The following UBE2E2 variants were observed in gnomAD, a reference collection of about 807,000 sequenced individuals.
UBE2E2 encodes the protein ubiquitin-conjugating enzyme E2 E2.
A neutral mutation model predicts 24.7 loss-of-function variants in UBE2E2; 6 were observed. The observed-to-expected ratio is 0.24, with a 90% confidence interval of 0.13 to 0.48. The LOEUF is 0.48. Among genes scored for constraint, UBE2E2 ranks in the 20% least tolerant of loss-of-function variants. The pLI is 0.99. For synonymous variants in UBE2E2, 104 were observed against 83.6 expected, an observed-to-expected ratio of 1.24 and a Z score of -1.33; for missense variants, 169 against 245.0, an observed-to-expected ratio of 0.69 and a Z score of 2.07.
intron 3 of UBE2E2, among the ~76,000 whole-genome samples, chr3:23,251,856 T>A (rs1052629534): frequency 1.3e-5 from 2 of 152,224 alleles, no homozygotes; most frequent in African/African-American, 4.8e-5. Context: ...GCTATACCCA[T>A]ACATTTATAG....
intron 3 of UBE2E2, among the ~76,000 whole-genome samples, chr3:23,339,914 T>C (rs1695334321): frequency 6.6e-6 from 1 of 152,130 alleles, no homozygotes; most frequent in South Asian, 2.1e-4. Context: ...TTTTTAATTG[T>C]CAGGAATAAC....
intron 3 of UBE2E2, among the ~76,000 whole-genome samples, chr3:23,349,761 C>T (rs370088533): frequency 6.6e-6 from 1 of 152,220 alleles, no homozygotes; most frequent in Non-Finnish European, 1.5e-5. Context: ...CCACCACAGC[C>T]CAAGGAGGCC....
chr3:23,485,296 G>T (rs1487266828), intron 3 of UBE2E2, among the ~76,000 whole-genome samples: 1 of 151,848 alleles, frequency 6.6e-6, no homozygotes, highest in Non-Finnish European at 1.5e-5. Flanking sequence ...AGGTTTCACT[G>T]TGTTGGCCAG....
chr3:23,303,731 A>G (rs529331325), intron 3 of UBE2E2, among the ~76,000 whole-genome samples: 1 of 151,954 alleles, frequency 6.6e-6, no homozygotes, highest in South Asian at 2.1e-4. Flanking sequence ...TTGGAATGAA[A>G]CAAAGGTTTA....
chr3:23,450,908 A>G (rs1431126051), intron 3 of UBE2E2, among the ~76,000 whole-genome samples: 1 of 152,238 alleles, frequency 6.6e-6, no homozygotes, highest in Non-Finnish European at 1.5e-5. Context: ...TTATTCCAGT[A>G]GGTGGGTTAC....
chr3:23,449,181 G>T (rs1055343763), intron 3 of UBE2E2, among the ~76,000 whole-genome samples: 1 of 152,178 alleles, frequency 6.6e-6, no homozygotes, highest in South Asian at 2.1e-4. Flanking sequence ...TGTGTGTGCT[G>T]CAGCCCAAAC....
Position 23,542,114 on chromosome 3 carries a change from C to T in UBE2E2, c.508+9413C>T, listed in dbSNP as rs191322548. ...AGCTTACAATGCATGAATAACCCCG[C>T]ATCACTGGGGCAAAGGCATATTAGA... On this transcript the variant is annotated intron_variant, in intron 5 of 5. Coordinates refer to ENST00000396703, the MANE Select transcript of UBE2E2 (RefSeq NM_152653.4). Among the ~76,000 whole-genome samples, 81 of 152,284 alleles carry T rather than the reference C, an allele frequency of 5.3e-4. 1 individual carries two copies. Among genetic ancestry groups the T allele is most frequent in the Non-Finnish European group, 9.7e-4 (66 of 68,024 alleles).
chr3:23,544,374 C>G (rs1170840398), intron 5 of UBE2E2, among the ~76,000 whole-genome samples: 1 of 152,022 alleles, frequency 6.6e-6, no homozygotes, highest in Non-Finnish European at 1.5e-5. Flanking sequence ...ACAGTCCCAT[C>G]AAAAAGTGGA....
chr3:23,251,537 C>T (rs188200303), intron 3 of UBE2E2, among the ~76,000 whole-genome samples: 22 of 152,106 alleles, frequency 1.4e-4, no homozygotes, highest in East Asian at 9.6e-4. Flanking sequence ...AGAAAGTTGT[C>T]GACATGTTCA....
At chr3:23,430,785 G>A (rs750835971) in intron 3 of UBE2E2, among the ~76,000 whole-genome samples, 1 of 151,880 alleles carries the variant, frequency 6.6e-6, no homozygotes, top group Non-Finnish European at 1.5e-5. Flanking sequence ...CCTTCCAAAG[G>A]GCTAAGATTA....
chr3:23,576,551 A>G (rs1255582157), intron 5 of UBE2E2, among the ~76,000 whole-genome samples: 1 of 152,218 alleles, frequency 6.6e-6, no homozygotes, highest in Admixed American at 6.5e-5. Context: ...ACAAACATCT[A>G]TGATGCAATC....
chr3:23,240,726 C>G (rs145977095), intron 3 of UBE2E2, among the ~76,000 whole-genome samples: 25 of 152,298 alleles, frequency 1.6e-4, no homozygotes, highest in African/African-American at 6.0e-4. Flanking sequence ...ATTAAGATTA[C>G]TGGATAGCTT....
At chr3:23,575,680 G>T (rs187726174) in intron 5 of UBE2E2, among the ~76,000 whole-genome samples, 9 of 152,200 alleles carry the variant, frequency 5.9e-5, no homozygotes, top group Admixed American at 5.9e-4. Context: ...AGAGTAAATT[G>T]TACATACTTT....
At chr3:23,472,408 G>A (rs919301277) in intron 3 of UBE2E2, among the ~76,000 whole-genome samples, 2 of 152,166 alleles carry the variant, frequency 1.3e-5, no homozygotes, top group African/African-American at 4.8e-5. Context: ...AGGACCATGT[G>A]ACTGAGTCCT....
chr3:23,334,394 A>T (rs542198638), intron 3 of UBE2E2, among the ~76,000 whole-genome samples: 1 of 151,848 alleles, frequency 6.6e-6, no homozygotes, highest in Non-Finnish European at 1.5e-5. Context: ...ATCACTATTG[A>T]TGGGGCACAG....
chr3:23,497,543 G>A (rs1699628941), intron 3 of UBE2E2, among the ~76,000 whole-genome samples: 1 of 152,120 alleles, frequency 6.6e-6, no homozygotes, highest in Admixed American at 6.6e-5. Flanking sequence ...CTATGTTTGT[G>A]TTTGCTTACA....
chr3:23,346,616 CTT>C (rs757819721), intron 3 of UBE2E2, among the ~76,000 whole-genome samples: 1 of 152,212 alleles, frequency 6.6e-6, no homozygotes, highest in East Asian at 1.9e-4. Context: ...AAGATGTTCT[CTT>C]TTAAATGCTA....
At chr3:23,281,206 A>G in intron 3 of UBE2E2, among the ~76,000 whole-genome samples, 1 of 130,780 alleles carries the variant, frequency 7.6e-6, no homozygotes, top group Admixed American at 7.2e-5. Context: ...GGTAACACTT[A>G]CGTTAGTGAG....
At chr3:23,520,389 T>G (rs994852000) in intron 4 of UBE2E2, among the ~76,000 whole-genome samples, 4 of 152,242 alleles carry the variant, frequency 2.6e-5, no homozygotes, top group African/African-American at 9.6e-5. Context: ...ACTATTATTT[T>G]TGGTTACAAC....
Sources: gnomAD v4.1 joint callset for allele counts (sites outside exome capture counted in the v4.1 genomes callset) on GRCh38, gnomAD v4.1.1 for gene constraint, MANE v1.5 for transcripts, NCBI Gene and HGNC (gene_info 2026-07-23, HGNC 2026-07-21) for gene names.